DNAAF11: variants seen among roughly 807,000 people sequenced by gnomAD.
DNAAF11 encodes the protein dynein axonemal assembly factor 11, also known as leucine rich repeat containing 6.
A neutral mutation model predicts 60.8 loss-of-function variants in DNAAF11; 45 were observed. The observed-to-expected ratio is 0.74, with a 90% CI of 0.58 to 0.95. DNAAF11 has a LOEUF of 0.95. DNAAF11 is among the 40% of genes least tolerant of loss of function. The pLI is 0.00. For synonymous variants in DNAAF11, 191 were observed against 183.5 expected (o/e 1.04, Z -0.33); for missense variants, 546 against 546.2 (o/e 1.00, Z 0.00).
At chr8:132,614,238 G>A (rs1818933955) in intron 8 of DNAAF11, among the ~76,000 whole-genome samples, 1 of 152,216 alleles carries the variant, frequency 6.6e-6, no homozygotes, top group Non-Finnish European at 1.5e-5. Context: ...CATCTGAGCA[G>A]AGGCCTGAAG....
At chr8:132,688,159 G>A in the DNAAF11 span, among the ~76,000 whole-genome samples, 1 of 152,090 alleles carries the variant, frequency 6.6e-6, no homozygotes, top group African/African-American at 2.4e-5. Flanking sequence ...AAATGTCCCG[G>A]CTCTCAACAC....
intron 7 of DNAAF11, among the ~76,000 whole-genome samples, chr8:132,621,404 C>T (rs1407428597): frequency 1.3e-5 from 2 of 152,056 alleles, no homozygotes; most frequent in Non-Finnish European, 2.9e-5. Context: ...AGGGGAGGAA[C>T]AGGGGATGAT....
chr8:132,673,953 CAGAG>C (rs1825426374), intron 1 of DNAAF11, among the ~76,000 whole-genome samples: 1 of 151,724 alleles, frequency 6.6e-6, no homozygotes, highest in African/African-American at 2.4e-5. Context: ...GGGCACGACT[CAGAG>C]AAAGAGGGCA....
At chr8:132,694,914 T>C in the DNAAF11 span, among the ~76,000 whole-genome samples, 43 of 152,146 alleles carry the variant, frequency 2.8e-4, no homozygotes, top group African/African-American at 1.0e-3. Context: ...AAAATTTAAA[T>C]GCTGAAAACA....
At chr8:132,687,662 T>C in the DNAAF11 span, 17 of 456,274 alleles carry the variant, frequency 3.7e-5, no homozygotes, top group South Asian at 2.6e-4. Context: ...GTTTCTGTTT[T>C]GCAAATGAGG....
chr8:132,619,088 C>T (rs1019850827), intron 7 of DNAAF11, among the ~76,000 whole-genome samples: 1 of 152,064 alleles, frequency 6.6e-6, no homozygotes, highest in African/African-American at 2.4e-5. Flanking sequence ...GAAAATATGG[C>T]ACATATACAC....
At chr8:132,678,969 A>G (rs1825826973), upstream of DNAAF11, among the ~76,000 whole-genome samples, 1 of 152,106 alleles carries the variant, frequency 6.6e-6, no homozygotes, top group South Asian at 2.1e-4. Flanking sequence ...CTGTCATTCT[A>G]CTGGAGAAAA....
intron 3 of DNAAF11, among the ~76,000 whole-genome samples, chr8:132,649,799 A>C (rs1352713681): frequency 6.6e-6 from 1 of 152,228 alleles, no homozygotes; most frequent in African/African-American, 2.4e-5. Flanking sequence ...AGAGAAATGC[A>C]AATCAAAACC....
intron 10 of DNAAF11, among the ~76,000 whole-genome samples, chr8:132,600,451 G>A (rs1432444616): frequency 3.3e-5 from 5 of 152,032 alleles, no homozygotes; most frequent in Admixed American, 6.5e-5. Flanking sequence ...ACCAAAAAAG[G>A]GCCCGCATTG....
chr8:132,676,243 C>T (rs113912846), upstream of DNAAF11, among the ~76,000 whole-genome samples: 429 of 152,242 alleles, frequency 2.8e-3, no homozygotes, highest in African/African-American at 9.7e-3. Flanking sequence ...CCCCACACTC[C>T]CCTCACGTTT....
chr8:132,648,494 T>C lies in DNAAF11; in HGVS notation c.256+8336A>G, dbSNP rs370547592. ...TCACCACTCCTATTCAATATAGTGTTAGAAGTTCTGGCCAGGGCAATCAGG... is the reference window on the plus strand; with the variant it reads ...TCACCACTCCTATTCAATATAGTGTCAGAAGTTCTGGCCAGGGCAATCAGG... On this transcript the variant is annotated intron_variant, in intron 3 of 11. Transcript: ENST00000620350. Among the ~76,000 whole-genome samples, 8 of 152,302 alleles carry C rather than the reference T, an allele frequency of 5.3e-5. No individual in the cohort carries two copies. The South Asian group carries it at 1.2e-3, about 24-fold the overall frequency.
chr8:132,675,394 A>T, intron 1 of DNAAF11, 90 bp downstream of exon 1: 1 of 1,412,046 alleles, frequency 7.1e-7, no homozygotes. Flanking sequence ...CCGACAGCGC[A>T]GGGCGGGAGC....
At chr8:132,673,553 C>G (rs1825391856) in intron 1 of DNAAF11, among the ~76,000 whole-genome samples, 1 of 152,198 alleles carries the variant, frequency 6.6e-6, no homozygotes, top group Non-Finnish European at 1.5e-5. Flanking sequence ...GGATCCCTGC[C>G]TACCTGTCAG....
At chr8:132,640,197 C>A (rs572046120) in intron 3 of DNAAF11, among the ~76,000 whole-genome samples, 2 of 152,172 alleles carry the variant, frequency 1.3e-5, no homozygotes, top group Admixed American at 6.5e-5. Flanking sequence ...TTGGTAACAG[C>A]GATACTACTC....
At chr8:132,578,540 T>A in intron 11 of DNAAF11, 1 of 1,382,532 alleles carries the variant, frequency 7.2e-7, no homozygotes, top group Non-Finnish European at 9.9e-7. Flanking sequence ...TCAACAGATT[T>A]AACATCATGG....
chr8:132,643,123 A>C (rs78527721), intron 3 of DNAAF11, among the ~76,000 whole-genome samples: 3,435 of 152,208 alleles, frequency 0.023, 157 homozygotes, highest in African/African-American at 0.078. Context: ...CAGGCACTAA[A>C]ACCCTCTTGG....
chr8:132,619,111 T>G (rs1586599692), intron 7 of DNAAF11, among the ~76,000 whole-genome samples: 1 of 152,154 alleles, frequency 6.6e-6, no homozygotes, highest in Admixed American at 6.5e-5. Context: ...TGGAATACTA[T>G]GCAGCCATAA....
chr8:132,637,118 GGGGGA>G (rs1821380235), intron 4 of DNAAF11, among the ~76,000 whole-genome samples: 1 of 152,152 alleles, frequency 6.6e-6, no homozygotes, highest in African/African-American at 2.4e-5. Flanking sequence ...TACTCGATTG[GGGGGA>G]TATGGTATAA....
intron 11 of DNAAF11, among the ~76,000 whole-genome samples, chr8:132,579,076 G>C (rs1280907636): frequency 6.6e-6 from 1 of 152,226 alleles, no homozygotes; most frequent in African/African-American, 2.4e-5. Flanking sequence ...AAAGTTTACA[G>C]CAGCTGTTGG....
Sources: allele counts gnomAD v4.1 joint callset (sites outside exome capture counted in the v4.1 genomes callset), GRCh38; gene constraint gnomAD v4.1.1; transcripts MANE v1.5; gene names NCBI Gene and HGNC (gene_info 2026-07-23, HGNC 2026-07-21).